The following VPS13B variants were observed in gnomAD, a reference collection of about 807,000 sequenced individuals.
VPS13B encodes the protein intermembrane lipid transfer protein VPS13B.
In VPS13B, 285 loss-of-function variants were observed where a neutral mutation model predicts 426.4. The observed-to-expected ratio is 0.67, with a 90% confidence interval of 0.61 to 0.74. The LOEUF (loss-of-function observed/expected upper bound fraction) is 0.74, where lower values mean the gene tolerates loss of function less well. Ranked by LOEUF, VPS13B falls within the 30% of genes least tolerant of loss-of-function variation. VPS13B has a pLI of 0.00. For missense variants in VPS13B, 4,537 were observed against 4,782.6 expected (o/e 0.95, Z 1.51); for synonymous variants, 1,676 against 1,676.4 (o/e 1.00, Z 0.01).
At chr8:99,872,880 C>T (rs1179715548) in intron 61 of VPS13B, among the ~76,000 whole-genome samples, 1 of 152,220 alleles carries the variant, frequency 6.6e-6, no homozygotes, top group Non-Finnish European at 1.5e-5. Flanking sequence ...CCAACCACAA[C>T]AACTCTTAAG....
chr8:99,272,244 G>A lies in VPS13B; in HGVS notation c.2516-1954G>A, dbSNP rs747462703. Among the ~76,000 whole-genome samples the A allele has an allele frequency of 3.9e-5, 6 of 152,220 alleles. No homozygotes were observed. In the South Asian group the frequency reaches 1.0e-3, roughly 26 times the overall value. On this transcript the variant is annotated intron_variant, in intron 17 of 61. Transcript: ENST00000357162. The stretch of plus-strand genomic sequence containing the variant: ...GAAAGGGAAAAAGAAGCAAAATTAC[G>A]TTGGTGGGTTTTCATGAATAATTGG...
intron 27 of VPS13B, among the ~76,000 whole-genome samples, chr8:99,506,920 A>G (rs1336453448): frequency 1.3e-5 from 2 of 152,238 alleles, no homozygotes; most frequent in East Asian, 1.9e-4. Flanking sequence ...TAATCAGCCA[A>G]ATAAATACAT....
chr8:99,030,634 G>T (rs1444008890), intron 2 of VPS13B, among the ~76,000 whole-genome samples: 1 of 152,054 alleles, frequency 6.6e-6, no homozygotes, highest in Non-Finnish European at 1.5e-5. Context: ...ATAAAAATGC[G>T]TAAAGTATAT....
At chr8:99,659,276 A>T (rs1245516773) in intron 34 of VPS13B, among the ~76,000 whole-genome samples, 2 of 152,030 alleles carry the variant, frequency 1.3e-5, no homozygotes, top group African/African-American at 4.8e-5. Flanking sequence ...AGTAATTTTC[A>T]TTTATTGCTT....
At chr8:99,827,326 A>G (rs1651525976) in intron 51 of VPS13B, among the ~76,000 whole-genome samples, 1 of 152,044 alleles carries the variant, frequency 6.6e-6, no homozygotes, top group African/African-American at 2.4e-5. Context: ...GCATTCATCC[A>G]TTTCTTCTAG....
At chr8:99,858,052 G>A (rs1816642896) in intron 56 of VPS13B, among the ~76,000 whole-genome samples, 2 of 152,168 alleles carry the variant, frequency 1.3e-5, no homozygotes, top group Admixed American at 6.5e-5. Flanking sequence ...TCAGATCGCT[G>A]AGCTGAGGAT....
intron 19 of VPS13B, among the ~76,000 whole-genome samples, chr8:99,383,688 G>A (rs1274871808): frequency 6.6e-6 from 1 of 151,966 alleles, no homozygotes; most frequent in East Asian, 1.9e-4. Flanking sequence ...GCCTCTTCTG[G>A]CAATTTCATA....
At chr8:99,754,448 CT>C (rs1810542609) in intron 39 of VPS13B, among the ~76,000 whole-genome samples, 2 of 152,258 alleles carry the variant, frequency 1.3e-5, no homozygotes, top group Admixed American at 6.5e-5. Context: ...CAGTTAAGCC[CT>C]AACACATTCA....
At chr8:99,085,854 G>A (rs188905098) in intron 3 of VPS13B, among the ~76,000 whole-genome samples, 7 of 152,266 alleles carry the variant, frequency 4.6e-5, no homozygotes, top group South Asian at 4.2e-4. Context: ...TGGGTAACCC[G>A]ACCTTTCTTT....
At chr8:99,769,232 A>C (rs1201036308) in intron 40 of VPS13B, among the ~76,000 whole-genome samples, 1 of 152,180 alleles carries the variant, frequency 6.6e-6, no homozygotes, top group Admixed American at 6.6e-5. Flanking sequence ...TTTGAGACTA[A>C]TCATTTTTCA....
At position 99,457,645 on chromosome 8, in the gene VPS13B, T is replaced by C. The variant is rs965074705; in HGVS notation, c.3446-9769T>C. ...TTTAATAGCTTTGTGTTTAGTTTTA[T>C]CTTATTATTTCTCATCTTAACGCTA... On this transcript the variant is annotated intron_variant, in intron 23 of 61. Transcript: ENST00000357162. Among the ~76,000 whole-genome samples the C allele has an allele frequency of 1.3e-4, 20 of 152,160 alleles. 1 individual carries two copies. Among genetic ancestry groups the C allele is most frequent in the African/African-American group, 4.6e-4 (19 of 41,450 alleles).
chr8:99,655,127 G>A (rs375793376), intron 34 of VPS13B, among the ~76,000 whole-genome samples: 5 of 152,142 alleles, frequency 3.3e-5, no homozygotes, highest in South Asian at 4.1e-4. Flanking sequence ...CTTTGGAAAA[G>A]GAATCAGCAC....
At chr8:99,568,089 C>T (rs1408133517) in intron 31 of VPS13B, among the ~76,000 whole-genome samples, 1 of 151,798 alleles carries the variant, frequency 6.6e-6, no homozygotes, top group East Asian at 1.9e-4. Flanking sequence ...AAGTTGAGCA[C>T]GTTTAAGGGT....
chr8:99,478,313 A>C (rs1201960761), intron 24 of VPS13B, among the ~76,000 whole-genome samples: 1 of 150,992 alleles, frequency 6.6e-6, no homozygotes, highest in Non-Finnish European at 1.5e-5. Context: ...TGTTATGTTG[A>C]TCAGTTTGCT....
intron 39 of VPS13B, among the ~76,000 whole-genome samples, chr8:99,744,159 G>C (rs1276351189): frequency 6.6e-6 from 1 of 152,150 alleles, no homozygotes; most frequent in Non-Finnish European, 1.5e-5. Context: ...GTGGGTGAAG[G>C]ATATGAACAG....
intron 25 of VPS13B, among the ~76,000 whole-genome samples, chr8:99,497,194 G>A (rs371007322): frequency 1.3e-3 from 173 of 128,358 alleles, no homozygotes; most frequent in East Asian, 5.0e-3. Flanking sequence ...ATAAATACAT[G>A]TATTTATATA....
At chr8:99,139,016 T>C (rs1470334294) in intron 12 of VPS13B, among the ~76,000 whole-genome samples, 3 of 152,264 alleles carry the variant, frequency 2.0e-5, no homozygotes, top group African/African-American at 7.2e-5. Context: ...TTGTTAACTT[T>C]TGGGTTTTTC....
chr8:99,818,818 G>A lies in VPS13B; in HGVS notation c.8551G>A (p.Gly2851Arg). Reference sequence around the variant, plus strand: ...ATTGAGTGAAACACAAATTATTCCAGGAAAAGGGCAGGAAAAACCACTGCA... The same window carrying A: ...ATTGAGTGAAACACAAATTATTCCAAGAAAAGGGCAGGAAAAACCACTGCA... ...LGLSETQIIP[G>R]KGQEKPLQNI... Residue 2851 changes from glycine to arginine, a missense_variant, in exon 47 of 62, where the codon GGA (glycine) becomes AGA (arginine). By Grantham distance (125) the Gly-to-Arg change is moderately radical. Around this residue, in one of 2 missense-constraint regions of VPS13B, gnomAD observed 4,311 missense variants for 4,474.3 expected, o/e 0.96. Transcript: ENST00000357162. 6.2e-7 allele frequency: 1 copy of A among 1,614,014 alleles called. No individual in the cohort carries two copies. Among genetic ancestry groups the A allele is most frequent in the Non-Finnish European group, 8.5e-7 (1 of 1,179,968 alleles).
intron 3 of VPS13B, among the ~76,000 whole-genome samples, chr8:99,082,332 G>C (rs1400512389): frequency 6.6e-6 from 1 of 151,532 alleles, no homozygotes; most frequent in Non-Finnish European, 1.5e-5. Flanking sequence ...TTGTAAATTT[G>C]TCTGAGTTCA....
Sources: gnomAD v4.1 joint callset for allele counts (sites outside exome capture counted in the v4.1 genomes callset) on GRCh38, gnomAD v4.1.1 for gene constraint, gnomAD v4.1.1 regional missense constraint, MANE v1.5 for transcripts, NCBI Gene and HGNC (gene_info 2026-07-23, HGNC 2026-07-21) for gene names.